The following RALYL variants were observed in gnomAD, a reference collection of about 807,000 sequenced individuals.
The protein encoded by RALYL is RNA-binding Raly-like protein.
A neutral mutation model predicts 35.1 loss-of-function variants in RALYL; 29 were observed. The ratio of observed to expected loss-of-function variants is 0.83; its 90% CI spans 0.61 to 1.13. RALYL has a LOEUF of 1.13. RALYL is among the 50% of genes most tolerant of loss of function. The pLI, the probability that RALYL is intolerant of heterozygous loss-of-function variation, is 0.00. For synonymous variants in RALYL, 120 were observed against 127.6 expected, an observed-to-expected ratio of 0.94 and a Z score of 0.40; for missense variants, 359 against 360.4, an observed-to-expected ratio of 1.00 and a Z score of 0.03.
At chr8:84,784,927 TGATA>T (rs1399137751) in intron 3 of RALYL, among the ~76,000 whole-genome samples, 1 of 152,216 alleles carries the variant, frequency 6.6e-6, no homozygotes, top group Non-Finnish European at 1.5e-5. Flanking sequence ...ATAACATGAT[TGATA>T]ATTTATTTTT....
At chr8:84,321,965 A>G (rs1844925136) in intron 1 of RALYL, among the ~76,000 whole-genome samples, 1 of 152,120 alleles carries the variant, frequency 6.6e-6, no homozygotes, top group African/African-American at 2.4e-5. Flanking sequence ...CAATTCTCCA[A>G]GAAGACCCAA....
At chr8:84,324,842 G>A (rs934168696) in intron 1 of RALYL, among the ~76,000 whole-genome samples, 3 of 151,998 alleles carry the variant, frequency 2.0e-5, no homozygotes, top group African/African-American at 7.2e-5. Flanking sequence ...TCATAATTCT[G>A]TTACTAATGC....
chr8:84,350,215 A>C (rs1332148893), intron 1 of RALYL, among the ~76,000 whole-genome samples: 1 of 150,292 alleles, frequency 6.7e-6, no homozygotes, highest in Admixed American at 6.6e-5. Context: ...CTAGGCCTAT[A>C]GCTTTATTCC....
intron 2 of RALYL, among the ~76,000 whole-genome samples, chr8:84,583,214 A>T (rs1284436035): frequency 6.6e-6 from 1 of 152,162 alleles, no homozygotes; most frequent in Non-Finnish European, 1.5e-5. Context: ...ACTTACTGAG[A>T]TCAGTATCAT....
intron 1 of RALYL, among the ~76,000 whole-genome samples, chr8:84,228,740 T>G (rs1824586970): frequency 6.6e-6 from 1 of 152,152 alleles, no homozygotes; most frequent in African/African-American, 2.4e-5. Context: ...TCTGCATGGC[T>G]TGGGAGGCCT....
chr8:84,642,836 G>T (rs1353045459), intron 2 of RALYL, among the ~76,000 whole-genome samples: 2 of 137,638 alleles, frequency 1.5e-5, no homozygotes, highest in Non-Finnish European at 3.0e-5. Flanking sequence ...CCACCTCAAG[G>T]TTCAGGGTCA....
At chr8:84,858,703 G>A (rs1226317270) in intron 5 of RALYL, among the ~76,000 whole-genome samples, 1 of 152,126 alleles carries the variant, frequency 6.6e-6, no homozygotes, top group Non-Finnish European at 1.5e-5. Context: ...CTGATGAGAA[G>A]GCCAATACCT....
At chr8:84,857,249 C>G (rs1430941320) in intron 5 of RALYL, among the ~76,000 whole-genome samples, 1 of 152,174 alleles carries the variant, frequency 6.6e-6, no homozygotes, top group East Asian at 1.9e-4. Flanking sequence ...CTGAAAGGTG[C>G]TGGTGAGAAT....
chr8:84,470,133 G>T (rs973096899), intron 1 of RALYL, among the ~76,000 whole-genome samples: 1 of 152,180 alleles, frequency 6.6e-6, no homozygotes, highest in Non-Finnish European at 1.5e-5. Flanking sequence ...GTAGACAGGA[G>T]CTGTTCCTAT....
intron 1 of RALYL, among the ~76,000 whole-genome samples, chr8:84,244,973 A>G (rs1828759892): frequency 6.6e-6 from 1 of 152,178 alleles, no homozygotes; most frequent in Admixed American, 6.6e-5. Flanking sequence ...AGTGATTTTC[A>G]AGTTCACGCA....
chr8:84,527,878 A>T (rs1036307240), intron 1 of RALYL, among the ~76,000 whole-genome samples: 1 of 152,164 alleles, frequency 6.6e-6, no homozygotes, highest in Non-Finnish European at 1.5e-5. Context: ...CTTCATTATA[A>T]GGAGATATTT....
chr8:84,841,862 A>T (rs889925928), intron 4 of RALYL, among the ~76,000 whole-genome samples: 1 of 152,240 alleles, frequency 6.6e-6, no homozygotes, highest in African/African-American at 2.4e-5. Flanking sequence ...CTGCTCCTGA[A>T]TGACTACTGG....
At position 84,798,125 on chromosome 8, in the gene RALYL, T is replaced by C. The variant is rs181968351; in HGVS notation, c.333-6645T>C. Among the ~76,000 whole-genome samples, 7 of 152,312 alleles carry C rather than the reference T, an allele frequency of 4.6e-5. No homozygotes were observed. In the East Asian group the frequency reaches 1.4e-3, roughly 29 times the overall value. On this transcript the variant is annotated intron_variant, in intron 3 of 8. Coordinates refer to ENST00000521268, the MANE Select transcript of RALYL (RefSeq NM_173848.7). The stretch of plus-strand genomic sequence containing the variant: ...TGGGCGAACTTATTCTCTCTTATGA[T>C]TTAATATACTAATTCTGCATTGATA...
At chr8:84,397,149 T>C (rs2042425696) in intron 1 of RALYL, among the ~76,000 whole-genome samples, 1 of 151,674 alleles carries the variant, frequency 6.6e-6, no homozygotes, top group Admixed American at 6.6e-5. Context: ...GCCTTGAAAA[T>C]AGAGGGAGGG....
intron 2 of RALYL, among the ~76,000 whole-genome samples, chr8:84,649,639 T>C (rs1828275350): frequency 1.3e-5 from 2 of 152,202 alleles, no homozygotes; most frequent in African/African-American, 4.8e-5. Context: ...CATTGATCTA[T>C]ATCTCTGTTT....
intron 1 of RALYL, among the ~76,000 whole-genome samples, chr8:84,302,112 T>A (rs1352118364): frequency 6.6e-6 from 1 of 152,174 alleles, no homozygotes; most frequent in Admixed American, 6.6e-5. Flanking sequence ...GTATCAAAGA[T>A]TATCATACAA....
At position 84,274,504 on chromosome 8, in the gene RALYL, T is replaced by G. The variant is rs544595447; in HGVS notation, c.-24+90080T>G. 2.6e-5 allele frequency among the ~76,000 whole-genome samples: 4 copies of G among 152,218 alleles called. No individual in the cohort carries two copies. The South Asian group carries it at 8.3e-4, about 32-fold the overall frequency. ...GTACCTAAGAAGAAAGAATAATGCT[T>G]TCATCTTTAAAGTAAAAGTAGAAGC... On this transcript the variant is annotated intron_variant, in intron 1 of 8. Coordinates refer to ENST00000521268, the MANE Select transcript of RALYL (RefSeq NM_173848.7).
intron 1 of RALYL, among the ~76,000 whole-genome samples, chr8:84,473,017 A>C (rs1014764041): frequency 3.3e-5 from 5 of 152,144 alleles, no homozygotes; most frequent in African/African-American, 1.2e-4. Flanking sequence ...AAGTGGTGAA[A>C]AAATTAGGAA....
chr8:84,257,903 A>T (rs1001900087), intron 1 of RALYL, among the ~76,000 whole-genome samples: 4 of 152,180 alleles, frequency 2.6e-5, no homozygotes, highest in Admixed American at 2.0e-4. Context: ...TCATTTCTAG[A>T]TGAGACTATT....
Sources: gnomAD v4.1 joint callset for allele counts (sites outside exome capture counted in the v4.1 genomes callset) on GRCh38, gnomAD v4.1.1 for gene constraint, MANE v1.5 for transcripts, NCBI Gene and HGNC (gene_info 2026-07-23, HGNC 2026-07-21) for gene names.